The following RPS6KA1 variants were observed in gnomAD, a reference collection of about 807,000 sequenced individuals.
RPS6KA1 encodes the protein ribosomal protein S6 kinase alpha-1.
A neutral mutation model predicts 91.3 loss-of-function variants in RPS6KA1; 48 were observed. That is an observed-to-expected ratio of 0.53 (90% CI 0.42 to 0.67). The LOEUF (loss-of-function observed/expected upper bound fraction) is 0.67. Among genes scored for constraint, RPS6KA1 ranks in the 30% least tolerant of loss-of-function variants. The pLI, the probability that RPS6KA1 is intolerant of heterozygous loss-of-function variation, is 0.00. For synonymous variants in RPS6KA1, 359 were observed against 384.7 expected (o/e 0.93, Z 0.78); for missense variants, 719 against 960.5 (o/e 0.75, Z 3.32).
chr1:26,547,221 C>T lies in RPS6KA1; in HGVS notation c.258C>T (p.Asp86=), dbSNP rs1570432457. The T allele has an allele frequency of 6.2e-7, 1 of 1,613,944 alleles. No individual in the cohort carries two copies. Among genetic ancestry groups the T allele is most frequent in the Admixed American group, 1.7e-5 (1 of 59,996 alleles). ...TGGTGCGGAAAGTCACCCGGCCTGA[C>T]AGTGGGCACCTGTATGCTATGAAGG... is the stretch of plus-strand genomic sequence containing the variant. The part of the protein sequence containing the change: ...VFLVRKVTRP[D]SGHLYAMKVL... The change falls in exon 4 of 22, where the codon GAC becomes GAT. Residue 86 remains aspartate (D), a synonymous_variant. Transcript: ENST00000374168. This position sits in a 1 kb window ranked among gnomAD's most constrained non-coding sequence, Gnocchi z 4.1.
At chr1:26,545,834 C>T (rs1037771923) in intron 2 of RPS6KA1, 9 of 1,470,834 alleles carry the variant, frequency 6.1e-6, no homozygotes, top group Middle Eastern at 4.8e-4. Flanking sequence ...GCCTTGGTCC[C>T]GGCCACCACT....
At chr1:26,572,566 C>T (rs1187962212) in intron 20 of RPS6KA1, among the ~76,000 whole-genome samples, 2 of 151,978 alleles carry the variant, frequency 1.3e-5, no homozygotes, top group Admixed American at 6.6e-5. Context: ...TTTGTGGAAA[C>T]GTAGTGTAGT....
At chr1:26,557,142 G>T (rs770989276) in intron 13 of RPS6KA1, 42 bp downstream of exon 13, 2 of 1,535,116 alleles carry the variant, frequency 1.3e-6, no homozygotes, top group African/African-American at 2.7e-5. Context: ...GCTGGTACAG[G>T]AGGGAAGCCG....
At chr1:26,566,347 G>A (rs1348340601) in intron 17 of RPS6KA1, among the ~76,000 whole-genome samples, 7 of 146,918 alleles carry the variant, frequency 4.8e-5, no homozygotes, top group Non-Finnish European at 7.4e-5. Flanking sequence ...GCAGTGGTGC[G>A]ATCTCGGCTC....
chr1:26,532,841 T>C (rs1396847439), intron 1 of RPS6KA1, among the ~76,000 whole-genome samples: 1 of 152,204 alleles, frequency 6.6e-6, no homozygotes, highest in Admixed American at 6.5e-5. Context: ...GCCCTGGGCA[T>C]CTGTCCTCAT....
intron 2 of RPS6KA1, among the ~76,000 whole-genome samples, chr1:26,538,199 C>A (rs2075920654): frequency 6.6e-6 from 1 of 152,070 alleles, no homozygotes; most frequent in Non-Finnish European, 1.5e-5. Context: ...TGGACTGGGC[C>A]CCTTGGTTTA....
intron 17 of RPS6KA1, among the ~76,000 whole-genome samples, chr1:26,567,664 C>T (rs1035527668): frequency 6.6e-6 from 1 of 152,170 alleles, no homozygotes; most frequent in East Asian, 1.9e-4. Context: ...CAGGCATGAG[C>T]CACCATGCCT....
At chr1:26,560,687 T>C (rs377269057) in intron 14 of RPS6KA1, 39 bp from the exon 15 acceptor site, 2 of 1,613,530 alleles carry the variant, frequency 1.2e-6, no homozygotes, top group African/African-American at 2.7e-5. Flanking sequence ...CCTAGCACTC[T>C]AGAGCCAGGG....
chr1:26,558,713 A>G lies in RPS6KA1; in HGVS notation c.1085-94A>G, dbSNP rs2076126862. The G allele has an allele frequency of 2.8e-6, 4 of 1,436,098 alleles. No individual in the cohort carries two copies. Among genetic ancestry groups the G allele is most frequent in the East Asian group, 4.6e-5 (2 of 43,034 alleles). The allele number at this position is 1,436,098 out of a possible 1,614,324, so 89.0% of individuals were successfully genotyped here. On this transcript the variant is annotated intron_variant, in intron 13 of 21. Coordinates refer to ENST00000374168, the MANE Select transcript of RPS6KA1 (RefSeq NM_002953.4). The surrounding 1 kb of genome is among the most constrained non-coding windows in gnomAD (Gnocchi z 4.0). ...TCCCGCCACGGCCAGCCCCTGAGGCAGGTCTGGAGGCCCTGTGCTCCCCCT... is the reference window on the plus strand; with the variant it reads ...TCCCGCCACGGCCAGCCCCTGAGGCGGGTCTGGAGGCCCTGTGCTCCCCCT...
chr1:26,538,095 TGGGTA>T (rs2075919841), intron 2 of RPS6KA1, among the ~76,000 whole-genome samples: 4 of 152,130 alleles, frequency 2.6e-5, no homozygotes, highest in Admixed American at 2.6e-4. Context: ...GTGACTGAGC[TGGGTA>T]GGATAGGGCA....
In RPS6KA1 at chr1:26,572,207, A is replaced by G. The variant is rs112905695; in HGVS notation, c.1861A>G (p.Thr621Ala). The G allele has an allele frequency of 6.2e-7, 1 of 1,614,030 alleles. No individual in the cohort carries two copies. The highest frequency in any genetic ancestry group is 8.5e-7 in the Non-Finnish European group (1 of 1,179,986). ...YTPFANGPSD[T>A]PEEILTRIGS... ...TCCATTTGCCAACGGTCCCAGTGACACACCAGAGGAAATCCTAACCCGGAT... is the reference window on the plus strand; with the variant it reads ...TCCATTTGCCAACGGTCCCAGTGACGCACCAGAGGAAATCCTAACCCGGAT... Residue 621 changes from threonine to alanine, a missense_variant, in exon 20 of 22, where the codon ACA (threonine) becomes GCA (alanine). Coordinates refer to ENST00000374168, the MANE Select transcript of RPS6KA1 (RefSeq NM_002953.4).
chr1:26,550,574 C>T (rs1198137733), intron 4 of RPS6KA1, among the ~76,000 whole-genome samples: 1 of 152,210 alleles, frequency 6.6e-6, no homozygotes, highest in African/African-American at 2.4e-5. Context: ...CTGCCTCAGC[C>T]TCCCAAAGTG....
intron 2 of RPS6KA1, among the ~76,000 whole-genome samples, chr1:26,542,536 C>T (rs943319739): frequency 1.3e-5 from 2 of 152,188 alleles, no homozygotes; most frequent in Non-Finnish European, 1.5e-5. Flanking sequence ...TGGGCCTGGT[C>T]AACCCCTGCC....
intron 4 of RPS6KA1, among the ~76,000 whole-genome samples, chr1:26,550,313 G>A (rs1190397404): frequency 6.6e-6 from 1 of 151,466 alleles, no homozygotes; most frequent in Middle Eastern, 3.2e-3. Context: ...CTCCTGAGTA[G>A]CTGGGATTAC....
At chr1:26,560,597 C>A in intron 14 of RPS6KA1, 129 bp from the exon 15 acceptor site, 1 of 1,212,150 alleles carries the variant, frequency 8.2e-7, no homozygotes, top group Non-Finnish European at 1.2e-6. Context: ...GTCACATGGC[C>A]AACACTCTAC....
At chr1:26,556,780 G>T (rs1181962969) in intron 12 of RPS6KA1, 62 bp downstream of exon 12, 1 of 1,581,226 alleles carries the variant, frequency 6.3e-7, no homozygotes, top group Admixed American at 1.7e-5. Flanking sequence ...CCACAGGAAG[G>T]GTGGTGGGAG....
At chr1:26,543,241 G>T (rs1162308435) in intron 2 of RPS6KA1, 1 of 1,500,818 alleles carries the variant, frequency 6.7e-7, no homozygotes, top group Non-Finnish European at 9.0e-7. Flanking sequence ...AGAGTCGCCT[G>T]CCTCCAGCGG....
chr1:26,530,689 G>A (rs2075861070), intron 1 of RPS6KA1: 2 of 1,225,980 alleles, frequency 1.6e-6, no homozygotes, highest in Non-Finnish European at 2.1e-6. Flanking sequence ...GGCCCTTGGG[G>A]AGTTTGGCTT....
At chr1:26,552,387 A>C (rs2076059726) in intron 6 of RPS6KA1, among the ~76,000 whole-genome samples, 2 of 45,920 alleles carry the variant, frequency 4.4e-5, no homozygotes, top group Non-Finnish European at 1.1e-4. Flanking sequence ...ACTCTGTCTC[A>C]AAAAAAAAAA....
Sources: gnomAD v4.1 joint callset for allele counts (sites outside exome capture counted in the v4.1 genomes callset) on GRCh38, gnomAD v4.1.1 for gene constraint, Gnocchi (gnomAD v3.1) non-coding constraint, MANE v1.5 for transcripts, NCBI Gene and HGNC (gene_info 2026-07-23, HGNC 2026-07-21) for gene names.